CTSB: variants seen among roughly 807,000 people sequenced by gnomAD.
The protein encoded by CTSB is cathepsin B.
CTSB carries 57 observed loss-of-function variants against 44.3 expected under a neutral mutation model. The ratio of observed to expected loss-of-function variants is 1.29; its 90% CI spans 1.04 to 1.60. The LOEUF (loss-of-function observed/expected upper bound fraction) is 1.60, where lower values mean the gene tolerates loss of function less well. Ranked by LOEUF, CTSB falls within the 40% of genes most tolerant of loss-of-function variation. The probability of loss-of-function intolerance (pLI) is 0.00; values close to 1 mark genes in which losing one functional copy is unlikely to be tolerated. For missense variants in CTSB, 768 were observed against 443.0 expected (o/e 1.73, Z -6.59); for synonymous variants, 320 against 168.0 (o/e 1.91, Z -7.00).
Position 11,845,662 on chromosome 8 carries a change from A to G in CTSB, c.921T>C (p.Asn307=), listed in dbSNP as rs1378508710. 1.2e-6 allele frequency: 2 copies of G among 1,612,612 alleles called. No homozygotes were observed. The highest frequency in any genetic ancestry group is 1.3e-5 in the African/African-American group (1 of 74,996). ...ANSWNTDWGD[N]GFFKILRGQD... Reference sequence around the variant, plus strand: ...GGCAGGAAGGGGGCAGCCACTCACCATTGTCACCCCAGTCAGTGTTCCAGG... The same window carrying G: ...GGCAGGAAGGGGGCAGCCACTCACCGTTGTCACCCCAGTCAGTGTTCCAGG... Residue 307 remains asparagine (N), a splice_region_variant and synonymous_variant, in exon 9 of 10, where the codon AAT becomes AAC. Coordinates refer to ENST00000353047, the MANE Select transcript of CTSB (RefSeq NM_001908.5).
chr8:11,856,425 C>A (rs1173427627), intron 1 of CTSB, among the ~76,000 whole-genome samples: 1 of 151,844 alleles, frequency 6.6e-6, no homozygotes, highest in Non-Finnish European at 1.5e-5. Flanking sequence ...ACCAGCCTGA[C>A]TAAGGTGGTG....
rs202195352 is a variant in CTSB at position 11,845,770 on chromosome 8, G to A, written c.813C>T (p.Thr271=). The change falls in exon 9 of 10, where the codon ACC becomes ACT. Residue 271 remains threonine (T), a synonymous_variant. Coordinates refer to ENST00000353047, the MANE Select transcript of CTSB (RefSeq NM_001908.5). Reference sequence around the variant, plus strand: ...TGGCATGGCCACCCATCATCTCTCCGGTGACGTGTTGGTACACTCCTGAAA... The same window carrying A: ...TGGCATGGCCACCCATCATCTCTCCAGTGACGTGTTGGTACACTCCTGAAA... The part of the protein sequence containing the change: ...LYKSGVYQHV[T]GEMMGGHAIR... The A allele has an allele frequency of 1.4e-4, 224 of 1,613,756 alleles. 1 individual carries two copies. Among genetic ancestry groups the A allele is most frequent in the Non-Finnish European group, 1.7e-4 (198 of 1,179,898 alleles).
In CTSB at chr8:11,842,820, G is replaced by C. The variant is rs1194982887; in HGVS notation, c.*2305C>G. ...CTTGGCTAATTTTGTATTTTTAGTAGAGATGGGGTTTCACCGTGTTGCCAA... is the reference window on the plus strand; with the variant it reads ...CTTGGCTAATTTTGTATTTTTAGTACAGATGGGGTTTCACCGTGTTGCCAA... On this transcript the variant is annotated 3_prime_UTR_variant, in exon 10 of 10. Coordinates refer to ENST00000353047, the MANE Select transcript of CTSB (RefSeq NM_001908.5). 1 of 150,458 alleles carries C rather than the reference G, an allele frequency of 6.6e-6. No homozygotes were observed. The highest frequency in any genetic ancestry group is 2.0e-4 in the East Asian group (1 of 5,110). The allele number at this position is 150,458 out of a possible 1,614,324, so 9.3% of individuals were successfully genotyped here.
intron 1 of CTSB, among the ~76,000 whole-genome samples, chr8:11,861,698 G>A (rs750213209): frequency 6.6e-6 from 1 of 152,232 alleles, no homozygotes; most frequent in Non-Finnish European, 1.5e-5. Context: ...GATGCTGACA[G>A]AGCCAATGCA....
At chr8:11,853,300 C>A (rs747803207) in intron 2 of CTSB, 29 bp downstream of exon 2, 1 of 1,611,326 alleles carries the variant, frequency 6.2e-7, no homozygotes, top group South Asian at 1.1e-5. Flanking sequence ...TGGGAGGGGA[C>A]ATACATAGGA....
chr8:11,862,124 G>A (rs1036805831), intron 1 of CTSB, among the ~76,000 whole-genome samples: 23 of 149,232 alleles, frequency 1.5e-4, no homozygotes, highest in African/African-American at 3.3e-4. Context: ...GGAGAATGGC[G>A]TGAACCCGGG....
At chr8:11,848,589 G>A (rs1195660245) in intron 5 of CTSB, 4 of 329,512 alleles carry the variant, frequency 1.2e-5, no homozygotes, top group Non-Finnish European at 2.4e-5. Context: ...CAGGCATTTC[G>A]GATCTGCAGC....
In CTSB at chr8:11,844,847, G is replaced by A. The variant is rs552532455; in HGVS notation, c.*278C>T. The A allele has an allele frequency of 1.5e-5, 6 of 412,778 alleles. No homozygotes were observed. The East Asian group carries it at 2.3e-4, about 16-fold the overall frequency. 25.6% of individuals were successfully genotyped at this position (412,778 alleles called of 1,614,324 possible). On this transcript the variant is annotated 3_prime_UTR_variant, in exon 10 of 10. Transcript: ENST00000353047. ...TGGAGATGGATGGATCACGGAGGGG[G>A]CCACAGTCAGCTGGGGCAGCAGGTA...
At chr8:11,863,901 AC>A (rs1332293123) in intron 1 of CTSB, among the ~76,000 whole-genome samples, 3 of 152,164 alleles carry the variant, frequency 2.0e-5, no homozygotes, top group Admixed American at 2.0e-4. Context: ...ACACCTCATG[AC>A]CCAGAAACAA....
chr8:11,855,485 C>T (rs1463485265), intron 1 of CTSB, among the ~76,000 whole-genome samples: 1 of 152,060 alleles, frequency 6.6e-6, no homozygotes, highest in Admixed American at 6.6e-5. Flanking sequence ...TGTGAGACCC[C>T]ATCAATATAG....
Position 11,849,051 on chromosome 8 carries a change from C to T in CTSB, c.441G>A (p.Gly147=), listed in dbSNP as rs1137069. 4,108 of 1,611,428 alleles carry T rather than the reference C, an allele frequency of 2.5e-3. 77 individuals are homozygous for T. The African/African-American group carries it at 0.049, about 19-fold the overall frequency. Residue 147 remains glycine (G), a synonymous_variant, in exon 5 of 10, where the codon GGG becomes GGA. Coordinates refer to ENST00000353047, the MANE Select transcript of CTSB (RefSeq NM_001908.5). ...DLLTCCGSMC[G]DGCNGGYPAE... ...GGAAGCACAGCCTGACTCACCCGTCCCCACACATGCTGCCACAGCATGTGA... is the reference window on the plus strand; with the variant it reads ...GGAAGCACAGCCTGACTCACCCGTCTCCACACATGCTGCCACAGCATGTGA...
chr8:11,865,395 G>C (rs1816974687), intron 1 of CTSB: 1 of 149,794 alleles, frequency 6.7e-6, no homozygotes, highest in Non-Finnish European at 1.5e-5. Context: ...TTTTACATTG[G>C]ATTTTTTTAG....
chr8:11,845,666 T>A lies in CTSB; in HGVS notation c.917A>T (p.Asp306Val). Residue 306 changes from aspartate to valine, a missense_variant, in exon 9 of 10, where the codon GAC (aspartate) becomes GTC (valine). Asp to Val is a radical substitution (Grantham distance 152, BLOSUM62 -3). Transcript: ENST00000353047. ...GGAAGGGGGCAGCCACTCACCATTG[T>A]CACCCCAGTCAGTGTTCCAGGAGTT... is the stretch of plus-strand genomic sequence containing the variant. ...VANSWNTDWG[D>V]NGFFKILRGQ... is the part of the protein sequence containing the mutation. The A allele has an allele frequency of 6.2e-7, 1 of 1,612,792 alleles. No individual in the cohort carries two copies.
chr8:11,864,740 G>C (rs1028718421), intron 1 of CTSB, among the ~76,000 whole-genome samples: 9 of 151,836 alleles, frequency 5.9e-5, no homozygotes, highest in Non-Finnish European at 1.0e-4. Flanking sequence ...CAGATCATTT[G>C]AGGTCTCTAC....
intron 1 of CTSB, among the ~76,000 whole-genome samples, chr8:11,859,155 C>G (rs1171204906): frequency 6.6e-6 from 1 of 152,152 alleles, no homozygotes; most frequent in African/African-American, 2.4e-5. Flanking sequence ...GAAAAGGGTG[C>G]TCCTCATATC....
chr8:11,864,652 A>G (rs1816867125), intron 1 of CTSB, among the ~76,000 whole-genome samples: 2 of 152,114 alleles, frequency 1.3e-5, no homozygotes, highest in African/African-American at 4.8e-5. Flanking sequence ...TAAAAAAGAG[A>G]TTAGTTAAAA....
chr8:11,846,133 AG>A (rs1813284797), intron 8 of CTSB: 1 of 171,656 alleles, frequency 5.8e-6, no homozygotes, highest in South Asian at 1.5e-4. Flanking sequence ...CATGTAAGTA[AG>A]GGTTTGTCAA....
chr8:11,848,214 G>T (rs745583700), intron 5 of CTSB, 62 bp from the exon 6 acceptor site: 6 of 1,476,460 alleles, frequency 4.1e-6, no homozygotes, highest in Non-Finnish European at 5.7e-6. Flanking sequence ...CCAGACCACT[G>T]TGTGCTACCC....
chr8:11,847,157 A>G lies in CTSB; in HGVS notation c.688T>C (p.Tyr230His), dbSNP rs1227346359. 6.2e-7 allele frequency: 1 copy of G among 1,610,696 alleles called. No individual in the cohort carries two copies. The highest frequency in any genetic ancestry group is 1.1e-5 in the South Asian group (1 of 91,048). Residue 230 changes from tyrosine to histidine, a missense_variant, in exon 8 of 10, where the codon TAC (tyrosine) becomes CAC (histidine). Physicochemically the swap from Tyr to His is moderately conservative, Grantham distance 83. Transcript: ENST00000353047. Reference protein sequence around the residue: ...KQDKHYGYNSYSVSNSEKDIM... With the variant: ...KQDKHYGYNSHSVSNSEKDIM... Reference sequence around the variant, plus strand: ...TCCTTCTCGCTATTGGAGACGCTGTAGGAATTGTATCCTGGAAAATGAACC... The same window carrying G: ...TCCTTCTCGCTATTGGAGACGCTGTGGGAATTGTATCCTGGAAAATGAACC...
Sources: allele counts gnomAD v4.1 joint callset (sites outside exome capture counted in the v4.1 genomes callset), GRCh38; gene constraint gnomAD v4.1.1; transcripts MANE v1.5; gene names NCBI Gene and HGNC (gene_info 2026-07-23, HGNC 2026-07-21).